The following SFXN5 variants were observed in gnomAD, a reference collection of about 807,000 sequenced individuals.
SFXN5 encodes sideroflexin-5.
In SFXN5, 43 loss-of-function variants were observed where a neutral mutation model predicts 50.2. That is an observed-to-expected ratio of 0.86 (90% confidence interval 0.67 to 1.11). The LOEUF (loss-of-function observed/expected upper bound fraction) is 1.11, where lower values mean the gene tolerates loss of function less well. SFXN5 is among the 50% of genes least tolerant of loss of function. The probability of loss-of-function intolerance (pLI) is 0.00; values close to 1 mark genes in which losing one functional copy is unlikely to be tolerated. For missense variants in SFXN5, 463 were observed against 454.1 expected (o/e 1.02, Z -0.18); for synonymous variants, 203 against 185.8 (o/e 1.09, Z -0.75).
chr2:72,977,345 A>T (rs1364019804), intron 10 of SFXN5, among the ~76,000 whole-genome samples: 1 of 152,236 alleles, frequency 6.6e-6, no homozygotes, highest in Non-Finnish European at 1.5e-5. Flanking sequence ...CAAAAAATCC[A>T]TACGATGTAT....
intron 6 of SFXN5, among the ~76,000 whole-genome samples, chr2:73,001,840 C>T (rs1261410380): frequency 2.0e-5 from 3 of 152,162 alleles, no homozygotes; most frequent in African/African-American, 7.2e-5. Flanking sequence ...CACATGCATA[C>T]ACACATTATC....
chr2:73,060,445 C>T (rs1288611413), intron 1 of SFXN5, among the ~76,000 whole-genome samples: 6 of 152,000 alleles, frequency 3.9e-5, no homozygotes, highest in African/African-American at 1.5e-4. Flanking sequence ...TTTTGTTCAT[C>T]AAATATGTCA....
intron 12 of SFXN5, among the ~76,000 whole-genome samples, chr2:72,966,048 C>A (rs1356190576): frequency 6.6e-6 from 1 of 152,136 alleles, no homozygotes; most frequent in Non-Finnish European, 1.5e-5. Flanking sequence ...AGCTGATGTC[C>A]CCCAGGGTGG....
chr2:72,965,169 AG>A (rs1025942704), intron 12 of SFXN5, among the ~76,000 whole-genome samples: 15 of 152,336 alleles, frequency 9.8e-5, no homozygotes, highest in African/African-American at 3.6e-4. Context: ...GCGGCTGGAC[AG>A]CAAGAGGACG....
At chr2:72,984,899 G>C (rs990231174) in intron 10 of SFXN5, among the ~76,000 whole-genome samples, 7 of 152,174 alleles carry the variant, frequency 4.6e-5, no homozygotes, top group African/African-American at 1.7e-4. Flanking sequence ...CCAGGCTTCA[G>C]GCTGGGGCCT....
intron 12 of SFXN5, 49 bp downstream of exon 12, chr2:72,968,399 C>T: frequency 1.3e-6 from 2 of 1,542,292 alleles, no homozygotes; most frequent in Non-Finnish European, 1.8e-6. Context: ...CCCTCCCTCT[C>T]CCCCTCCTCC....
intron 2 of SFXN5, among the ~76,000 whole-genome samples, chr2:73,046,955 G>A (rs1321669634): frequency 2.0e-5 from 3 of 150,368 alleles, no homozygotes; most frequent in Non-Finnish European, 3.0e-5. Flanking sequence ...GGCCGGGTGC[G>A]GTGGCTCACA....
At chr2:73,016,151 T>C (rs779205768) in intron 6 of SFXN5, among the ~76,000 whole-genome samples, 3 of 152,214 alleles carry the variant, frequency 2.0e-5, no homozygotes, top group Non-Finnish European at 4.4e-5. Context: ...CTCTCTTTTG[T>C]CTTGATCAAT....
At chr2:73,050,932 C>T (rs1189248992) in intron 2 of SFXN5, among the ~76,000 whole-genome samples, 1 of 152,158 alleles carries the variant, frequency 6.6e-6, no homozygotes, top group African/African-American at 2.4e-5. Flanking sequence ...TAAGAGAAGC[C>T]ATGAAGCATC....
chr2:73,063,489 T>C (rs940272680), intron 1 of SFXN5, among the ~76,000 whole-genome samples: 3 of 151,906 alleles, frequency 2.0e-5, no homozygotes, highest in African/African-American at 7.3e-5. Flanking sequence ...TGAAAAGGAG[T>C]CATCATAGGT....
At chr2:72,976,011 G>C (rs1049375102) in intron 10 of SFXN5, among the ~76,000 whole-genome samples, 1 of 152,174 alleles carries the variant, frequency 6.6e-6, no homozygotes, top group Non-Finnish European at 1.5e-5. Context: ...ACTCACATGG[G>C]AAGATCTCCA....
intron 12 of SFXN5, among the ~76,000 whole-genome samples, chr2:72,962,240 G>A (rs1673832896): frequency 6.6e-6 from 1 of 152,202 alleles, no homozygotes; most frequent in African/African-American, 2.4e-5. Context: ...CAAGTGACAG[G>A]CTCCTGGTGT....
chr2:72,970,038 C>T (rs1674966804), intron 11 of SFXN5, among the ~76,000 whole-genome samples: 3 of 152,266 alleles, frequency 2.0e-5, no homozygotes, highest in Non-Finnish European at 2.9e-5. Flanking sequence ...AGTCCTTCCC[C>T]GGACAGCAAA....
Position 73,071,676 on chromosome 2 carries a change from C to T in SFXN5, c.30G>A (p.Ala10=), listed in dbSNP as rs1269879567. 6.2e-7 allele frequency: 1 copy of T among 1,613,068 alleles called. No homozygotes were observed. Among genetic ancestry groups the T allele is most frequent in the South Asian group, 1.1e-5 (1 of 91,046 alleles). The change falls in exon 1 of 14, where the codon GCG becomes GCA. Residue 10 remains alanine (A), a synonymous_variant. Transcript: ENST00000272433. MADTATTAS[A]AAASAASASS... is the part of the protein sequence containing the mutation. ...AGGCGCTAGCGGCACTAGCCGCCGC[C>T]GCCGATGCTGTAGTCGCTGTATCCG...
intron 13 of SFXN5, among the ~76,000 whole-genome samples, chr2:72,954,904 T>G (rs1490548809): frequency 6.6e-6 from 1 of 152,222 alleles, no homozygotes. Context: ...TGGGAGAAAC[T>G]TGGTTCTTAC....
chr2:73,024,561 G>T (rs1361435333), intron 3 of SFXN5, among the ~76,000 whole-genome samples: 1 of 152,176 alleles, frequency 6.6e-6, no homozygotes, highest in East Asian at 1.9e-4. Context: ...GGCTGAGGTG[G>T]GAGGAACACT....
chr2:73,028,691 C>T (rs1677911866), intron 3 of SFXN5, among the ~76,000 whole-genome samples: 1 of 152,160 alleles, frequency 6.6e-6, no homozygotes, highest in African/African-American at 2.4e-5. Context: ...TCAGCTCTGC[C>T]TAGAAATACT....
intron 1 of SFXN5, among the ~76,000 whole-genome samples, chr2:73,066,600 GT>G (rs1683195366): frequency 1.3e-5 from 2 of 151,920 alleles, no homozygotes; most frequent in South Asian, 4.2e-4. Flanking sequence ...ATACCCAAAG[GT>G]AATAATATGT....
At chr2:73,052,871 A>G (rs1175579062) in intron 2 of SFXN5, among the ~76,000 whole-genome samples, 2 of 152,214 alleles carry the variant, frequency 1.3e-5, no homozygotes. Context: ...AAGGAGACTC[A>G]TAGCCCTTCA....
Sources: allele counts gnomAD v4.1 joint callset (sites outside exome capture counted in the v4.1 genomes callset), GRCh38; gene constraint gnomAD v4.1.1; transcripts MANE v1.5; gene names NCBI Gene and HGNC (gene_info 2026-07-23, HGNC 2026-07-21).